The following AVL9 variants were observed in gnomAD, a reference collection of about 807,000 sequenced individuals.
AVL9 encodes the protein AVL9 cell migration associated.
A neutral mutation model predicts 79.2 loss-of-function variants in AVL9; 49 were observed. The ratio of observed to expected loss-of-function variants is 0.62; its 90% CI spans 0.49 to 0.79. The LOEUF is 0.79. AVL9 is among the 30% of genes least tolerant of loss of function. The pLI is 0.00. For missense variants in AVL9, 682 were observed against 776.8 expected, an observed-to-expected ratio of 0.88 and a Z score of 1.45; for synonymous variants, 299 against 280.6, an observed-to-expected ratio of 1.07 and a Z score of -0.65.
chr7:32,572,801 C>CAAAAAAAAAAAAAAAAAAAA lies in AVL9; in HGVS notation c.1351-382_1351-381insAAAAAAAAAAAAAAAAAAAA, dbSNP rs3080635. On this transcript the variant is annotated intron_variant, in intron 11 of 15. Transcript: ENST00000318709. ...TGGGCGACAGAGCAAGACTCCGTCT[C>CAAAAAAAAAAAAAAAAAAAA]AAAAAAAAAAAAAAAAGAATATTCT... is the stretch of plus-strand genomic sequence containing the variant. Among the ~76,000 whole-genome samples the CAAAAAAAAAAAAAAAAAAAA allele has an allele frequency of 2.5e-4, 23 of 93,436 alleles. 2 individuals carry two copies. The highest frequency in any genetic ancestry group is 9.6e-4 in the African/African-American group (19 of 19,840). The allele number at this position is 93,436 out of a possible 152,430, so 61.3% of individuals were successfully genotyped here.
chr7:32,566,180 A>ATTTTTTTTTTATTTT (rs1554345295), intron 10 of AVL9, among the ~76,000 whole-genome samples: 4 of 93,878 alleles, frequency 4.3e-5, no homozygotes, highest in African/African-American at 1.7e-4. Context: ...TATTATTATT[A>ATTTTTTTTTTATTTT]TTTTTTTTTT....
chr7:32,560,519 C>T (rs1341893929), intron 10 of AVL9, among the ~76,000 whole-genome samples: 1 of 152,196 alleles, frequency 6.6e-6, no homozygotes, highest in East Asian at 1.9e-4. Flanking sequence ...AATTCAGTCA[C>T]ATTTTCAGAT....
At chr7:32,522,375 G>T (rs957971602) in intron 1 of AVL9, among the ~76,000 whole-genome samples, 3 of 152,194 alleles carry the variant, frequency 2.0e-5, no homozygotes, top group African/African-American at 7.2e-5. Context: ...GCATCAGTGT[G>T]ACCTGGATTT....
Position 32,558,940 on chromosome 7 carries a change from C to T in AVL9, c.691C>T (p.His231Tyr), listed in dbSNP as rs144541687. The T allele has an allele frequency of 1.4e-4, 217 of 1,579,354 alleles. No individual in the cohort carries two copies. In the African/African-American group the frequency reaches 2.6e-3, roughly 19 times the overall value. Residue 231 changes from histidine to tyrosine, a missense_variant, in exon 10 of 16, where the codon CAT becomes TAT. His to Tyr is a moderately conservative substitution (Grantham distance 83). Transcript: ENST00000318709. ...VLSLFPGMIEHGLSDCSQYRP... is the reference protein window; with the variant it reads ...VLSLFPGMIEYGLSDCSQYRP... Reference sequence around the variant, plus strand: ...ATTGCATATTTTAGGCATGATTGAACATGGTCTCAGTGACTGTTCTCAGTA... The same window carrying T: ...ATTGCATATTTTAGGCATGATTGAATATGGTCTCAGTGACTGTTCTCAGTA...
intron 1 of AVL9, among the ~76,000 whole-genome samples, chr7:32,503,485 G>A (rs1457587517): frequency 9.5e-5 from 14 of 147,562 alleles, no homozygotes; most frequent in Non-Finnish European, 1.3e-4. Context: ...TTGAACCTGG[G>A]AGGCAGAGGT....
intron 15 of AVL9, 50 bp from the exon 16 acceptor site, chr7:32,583,742 G>A (rs753316165): frequency 2.0e-4 from 243 of 1,214,838 alleles, no homozygotes; most frequent in Non-Finnish European, 2.4e-4. Context: ...TCACTGTCTC[G>A]TAACAAAAGT....
At chr7:32,577,787 A>G (rs1483515031) in intron 13 of AVL9, among the ~76,000 whole-genome samples, 2 of 152,252 alleles carry the variant, frequency 1.3e-5, no homozygotes, top group Non-Finnish European at 2.9e-5. Flanking sequence ...AGTTGAGCCT[A>G]TTTAGATTGA....
chr7:32,507,076 TAATA>T (rs1166003416), intron 1 of AVL9, among the ~76,000 whole-genome samples: 1 of 152,138 alleles, frequency 6.6e-6, no homozygotes, highest in Non-Finnish European at 1.5e-5. Context: ...TTCACAATAT[TAATA>T]AATAATAGGG....
At chr7:32,555,540 T>C (rs896324920) in intron 8 of AVL9, among the ~76,000 whole-genome samples, 8 of 152,216 alleles carry the variant, frequency 5.3e-5, no homozygotes, top group Non-Finnish European at 1.0e-4. Context: ...CTACTACCTA[T>C]TGTTATACAT....
chr7:32,520,681 G>A (rs140591968), intron 1 of AVL9, among the ~76,000 whole-genome samples: 1 of 152,268 alleles, frequency 6.6e-6, no homozygotes, highest in African/African-American at 2.4e-5. Context: ...TATAACCCAG[G>A]TCATGGCAAA....
rs1308656414 is a variant in AVL9, at chr7:32,558,921, T to C, written c.680-8T>C. 1 of 1,557,318 alleles carries C rather than the reference T, an allele frequency of 6.4e-7. No homozygotes were observed. The highest frequency in any genetic ancestry group is 1.4e-5 in the African/African-American group (1 of 72,734). ...AGCCAAGCTGTTCTTTGATATTGCA[T>C]ATTTTAGGCATGATTGAACATGGTC... On this transcript the variant is annotated splice_polypyrimidine_tract_variant and splice_region_variant and intron_variant, in intron 9 of 15. Transcript: ENST00000318709.
intron 1 of AVL9, among the ~76,000 whole-genome samples, chr7:32,497,287 A>G (rs1786874497): frequency 6.6e-6 from 1 of 152,074 alleles, no homozygotes; most frequent in Non-Finnish European, 1.5e-5. Flanking sequence ...GCCGGGAGGC[A>G]GAGGTTGCTG....
intron 10 of AVL9, among the ~76,000 whole-genome samples, chr7:32,562,115 C>G (rs1028054067): frequency 6.6e-6 from 1 of 152,086 alleles, no homozygotes; most frequent in African/African-American, 2.4e-5. Context: ...TGAGAATTAC[C>G]AAAATGTGAC....
rs115348624 is a variant in AVL9 at position 32,586,472 on chromosome 7, C to A, written c.*2565C>A. ...CCCCTGGTCCTGTGACCCCCCCCCC[C>A]CACACACACACATACTTCAGGCTTG... On this transcript the variant is annotated 3_prime_UTR_variant, in exon 16 of 16. Coordinates refer to ENST00000318709, the MANE Select transcript of AVL9 (RefSeq NM_015060.3). 0.14 allele frequency: 19,313 copies of A among 142,998 alleles called. 1,583 individuals carry two copies. The highest frequency in any genetic ancestry group is 0.24 in the South Asian group (1,077 of 4,548). The allele number at this position is 142,998 out of a possible 1,614,324, so 8.9% of individuals were successfully genotyped here. A position where few individuals can be genotyped will look rare whatever the true frequency, so the allele number is the denominator to read the frequency against.
intron 12 of AVL9, among the ~76,000 whole-genome samples, chr7:32,574,426 C>G (rs541128102): frequency 3.9e-5 from 6 of 152,258 alleles, no homozygotes; most frequent in Non-Finnish European, 8.8e-5. Context: ...AAATTAAATC[C>G]TTTAACCCCA....
Position 32,573,258 on chromosome 7 carries a change from C to T in AVL9, c.1410C>T (p.Thr470=), listed in dbSNP as rs1203149825. Residue 470 remains threonine, a synonymous_variant, in exon 12 of 16, where the codon ACC becomes ACT. Coordinates refer to ENST00000318709, the MANE Select transcript of AVL9 (RefSeq NM_015060.3). ...DPELRKLLNP[T]TADLRFADYL... is the part of the protein sequence containing the mutation. ...AACTCAGGAAGCTGCTTAACCCAAC[C>T]ACTGCAGACCTAAGGTTCGCAGACT... is the stretch of plus-strand genomic sequence containing the variant. The T allele has an allele frequency of 2.5e-6, 4 of 1,613,952 alleles. No homozygotes were observed. The highest frequency in any genetic ancestry group is 8.5e-7 in the Non-Finnish European group (1 of 1,179,966).
At chr7:32,531,161 T>C in intron 1 of AVL9, among the ~76,000 whole-genome samples, 1 of 152,178 alleles carries the variant, frequency 6.6e-6, no homozygotes, top group East Asian at 1.9e-4. Flanking sequence ...AGTGATTGCC[T>C]ATACATTGTT....
intron 15 of AVL9, among the ~76,000 whole-genome samples, chr7:32,582,526 A>T (rs1049084291): frequency 3.9e-5 from 6 of 152,348 alleles, no homozygotes; most frequent in African/African-American, 1.4e-4. Flanking sequence ...TTTAATAGAA[A>T]AACTATGCTA....
At chr7:32,577,688 C>G (rs1267406279) in intron 13 of AVL9, among the ~76,000 whole-genome samples, 1 of 152,076 alleles carries the variant, frequency 6.6e-6, no homozygotes, top group Non-Finnish European at 1.5e-5. Context: ...TGAACCAGCT[C>G]TATAGATGTT....
Sources: gnomAD v4.1 joint callset for allele counts (sites outside exome capture counted in the v4.1 genomes callset) on GRCh38, gnomAD v4.1.1 for gene constraint, MANE v1.5 for transcripts, NCBI Gene and HGNC (gene_info 2026-07-23, HGNC 2026-07-21) for gene names.